MBOAT2: variants seen among roughly 807,000 people sequenced by gnomAD.
The protein encoded by MBOAT2 is membrane-bound glycerophospholipid O-acyltransferase 2.
Under a neutral mutation model 63.4 loss-of-function variants are expected in MBOAT2, and 28 were observed. The observed-to-expected ratio is 0.44, with a 90% CI of 0.33 to 0.61. MBOAT2 has a LOEUF of 0.61. Among genes scored for constraint, MBOAT2 ranks in the 20% least tolerant of loss-of-function variants. The probability of loss-of-function intolerance (pLI) is 0.03; values close to 1 mark genes in which losing one functional copy is unlikely to be tolerated. For synonymous variants in MBOAT2, 211 were observed against 215.6 expected (o/e 0.98, Z 0.19); for missense variants, 470 against 605.8 (o/e 0.78, Z 2.35).
At chr2:8,881,595 T>C (rs1454097882) in intron 6 of MBOAT2, among the ~76,000 whole-genome samples, 1 of 152,160 alleles carries the variant, frequency 6.6e-6, no homozygotes, top group Non-Finnish European at 1.5e-5. Context: ...TGAGTGTCTG[T>C]AAATGAATAG....
At chr2:8,892,597 G>A (rs985828776) in intron 4 of MBOAT2, among the ~76,000 whole-genome samples, 11 of 152,194 alleles carry the variant, frequency 7.2e-5, no homozygotes, top group African/African-American at 2.7e-4. Flanking sequence ...GAGAGAGACA[G>A]ATTATAAACA....
rs1558605472 is a variant in MBOAT2, at chr2:8,911,774, C to T, written c.300-3058G>A. ...TGTAGAAGCAGCCTAAGGCCTTCAC[C>T]AGGGGCAGATGCTCAATGTTGAACT... is the stretch of plus-strand genomic sequence containing the variant. On this transcript the variant is annotated intron_variant, in intron 3 of 12. Coordinates refer to ENST00000305997, the MANE Select transcript of MBOAT2 (RefSeq NM_138799.4). Among the ~76,000 whole-genome samples, 3 of 152,156 alleles carry T rather than the reference C, an allele frequency of 2.0e-5. No homozygotes were observed. The South Asian group carries it at 6.2e-4, about 32-fold the overall frequency.
At chr2:8,881,724 T>C (rs1370370297) in intron 6 of MBOAT2, among the ~76,000 whole-genome samples, 1 of 152,094 alleles carries the variant, frequency 6.6e-6, no homozygotes, top group Non-Finnish European at 1.5e-5. Context: ...ATAGGGGATA[T>C]CAGAATAGAA....
intron 3 of MBOAT2, among the ~76,000 whole-genome samples, chr2:8,935,898 T>C (rs540902617): frequency 6.6e-6 from 1 of 152,290 alleles, no homozygotes; most frequent in South Asian, 2.1e-4. Flanking sequence ...TTGTCTGCTG[T>C]TCAATTTTAT....
At chr2:8,882,608 C>T (rs772583787) in intron 5 of MBOAT2, 43 bp from the exon 6 acceptor site, 18 of 1,595,170 alleles carry the variant, frequency 1.1e-5, no homozygotes, top group South Asian at 3.3e-5. Flanking sequence ...GATTTCTCCC[C>T]AAAATGGCAT....
In MBOAT2 at chr2:8,860,621, C is replaced by T. The variant is rs752116173; in HGVS notation, c.1329G>A (p.Thr443=). The change falls in exon 12 of 13, where the codon ACG becomes ACA. Residue 443 remains threonine (T), a synonymous_variant. Transcript: ENST00000305997. ...FVLLSIKPSL[T]FYSSWYYCLH... ...TTAAGAGTAACACTTACCTGTAAAACGTGAGTGATGGTTTTATAGAAAGAA... is the reference window on the plus strand; with the variant it reads ...TTAAGAGTAACACTTACCTGTAAAATGTGAGTGATGGTTTTATAGAAAGAA... 1.1e-5 allele frequency: 18 copies of T among 1,611,904 alleles called. No homozygotes were observed. In the South Asian group the frequency reaches 1.2e-4, roughly 11 times the overall value.
intron 2 of MBOAT2, among the ~76,000 whole-genome samples, chr2:8,944,314 A>G (rs1459071215): frequency 2.0e-5 from 3 of 152,224 alleles, no homozygotes; most frequent in African/African-American, 7.2e-5. Flanking sequence ...ATGTCCGTGC[A>G]TGCACACACA....
intron 7 of MBOAT2, among the ~76,000 whole-genome samples, chr2:8,873,665 T>C (rs1662506566): frequency 6.6e-6 from 1 of 152,196 alleles, no homozygotes; most frequent in South Asian, 2.1e-4. Context: ...TTTATATGGA[T>C]ATATATATTT....
chr2:8,964,524 C>T (rs768356464), intron 1 of MBOAT2, among the ~76,000 whole-genome samples: 1 of 151,236 alleles, frequency 6.6e-6, no homozygotes, highest in Non-Finnish European at 1.5e-5. Flanking sequence ...TGAACGTAAG[C>T]TTCTGCAATT....
intron 1 of MBOAT2, among the ~76,000 whole-genome samples, chr2:9,002,319 T>A (rs1360318516): frequency 6.6e-6 from 1 of 152,208 alleles, no homozygotes; most frequent in Non-Finnish European, 1.5e-5. Context: ...TCCTTCGACA[T>A]ACTTAAGGCG....
In MBOAT2 at chr2:9,003,539, C is replaced by G; in HGVS notation, c.75+1G>C. On this transcript the variant is annotated splice_donor_variant, in intron 1 of 12. Transcript: ENST00000305997. LOFTEE classifies it high-confidence loss of function. The surrounding 1 kb of genome is among the most constrained non-coding windows in gnomAD (Gnocchi z 5.4). ...CCCGGCGCCAGGGCGCCTCGGGGTA[C>G]CTGGTCGATGGGCAGCTGCACGGCG... The G allele has an allele frequency of 8.2e-7, 1 of 1,213,060 alleles. No homozygotes were observed. The highest frequency in any genetic ancestry group is 1.0e-6 in the Non-Finnish European group (1 of 972,116). The allele number at this position is 1,213,060 out of a possible 1,614,324, so 75.1% of individuals were successfully genotyped here. A position where few individuals can be genotyped will look rare whatever the true frequency, so the allele number is the denominator to read the frequency against.
At chr2:8,942,795 T>C (rs1048064606) in intron 3 of MBOAT2, among the ~76,000 whole-genome samples, 1 of 152,214 alleles carries the variant, frequency 6.6e-6, no homozygotes, top group Non-Finnish European at 1.5e-5. Flanking sequence ...TCCACTGCTA[T>C]CACCTACAGA....
At chr2:8,988,843 C>T (rs1271938773) in intron 1 of MBOAT2, among the ~76,000 whole-genome samples, 1 of 152,038 alleles carries the variant, frequency 6.6e-6, no homozygotes, top group East Asian at 1.9e-4. Flanking sequence ...ATCCTAAACT[C>T]ATGCATAATA....
intron 3 of MBOAT2, among the ~76,000 whole-genome samples, chr2:8,928,889 A>G (rs1471960191): frequency 6.6e-6 from 1 of 152,086 alleles, no homozygotes; most frequent in Non-Finnish European, 1.5e-5. Context: ...TGACTATACC[A>G]CCTCCCTCCT....
chr2:8,892,940 G>A (rs749143462), intron 4 of MBOAT2, among the ~76,000 whole-genome samples: 38 of 152,038 alleles, frequency 2.5e-4, no homozygotes, highest in Non-Finnish European at 4.9e-4. Context: ...CGAGGACACA[G>A]GCTTGGATCT....
At chr2:8,941,906 G>GT (rs1405163906) in intron 3 of MBOAT2, among the ~76,000 whole-genome samples, 4 of 152,206 alleles carry the variant, frequency 2.6e-5, no homozygotes, top group African/African-American at 9.6e-5. Context: ...CAAAATGTAT[G>GT]TAAGTCCCCT....
At chr2:8,887,755 G>A (rs1262967987) in intron 5 of MBOAT2, among the ~76,000 whole-genome samples, 1 of 152,148 alleles carries the variant, frequency 6.6e-6, no homozygotes, top group Non-Finnish European at 1.5e-5. Flanking sequence ...TCCTTTATAT[G>A]TCAAATTATC....
chr2:8,969,039 C>T (rs918474748), intron 1 of MBOAT2, among the ~76,000 whole-genome samples: 1 of 151,458 alleles, frequency 6.6e-6, no homozygotes, highest in Non-Finnish European at 1.5e-5. Flanking sequence ...TGCCACTCCT[C>T]GAGAAGTGCA....
intron 6 of MBOAT2, among the ~76,000 whole-genome samples, chr2:8,879,015 G>C (rs1395132962): frequency 6.7e-6 from 1 of 148,820 alleles, no homozygotes; most frequent in African/African-American, 2.5e-5. Flanking sequence ...GGCGGAGCTT[G>C]CAGTGAGCCG....
Sources: gnomAD v4.1 joint callset for allele counts (sites outside exome capture counted in the v4.1 genomes callset) on GRCh38, gnomAD v4.1.1 for gene constraint, Gnocchi (gnomAD v3.1) non-coding constraint, MANE v1.5 for transcripts, NCBI Gene and HGNC (gene_info 2026-07-23, HGNC 2026-07-21) for gene names.